Variants in SYT2 observed in about 807,000 individuals in gnomAD.
SYT2 encodes synaptotagmin-2.
A neutral mutation model predicts 39.9 loss-of-function variants in SYT2; 15 were observed. That is an observed-to-expected ratio of 0.38 (90% CI 0.25 to 0.58). SYT2 has a LOEUF of 0.58. Ranked by LOEUF, SYT2 falls within the 20% of genes least tolerant of loss-of-function variation. The probability of loss-of-function intolerance (pLI) is 0.70; values close to 1 mark genes in which losing one functional copy is unlikely to be tolerated. For synonymous variants in SYT2, 181 were observed against 204.5 expected (o/e 0.89, Z 0.98); for missense variants, 389 against 530.3 (o/e 0.73, Z 2.62).
In SYT2 at chr1:202,628,332, T is replaced by A. The variant is rs1214559413; in HGVS notation, c.-17-22543A>T. ...CCACACCAGGACCTGGGAGAGGTCA[T>A]GAGATGTCTGGGGAGCCCAGCCTGC... On this transcript the variant is annotated intron_variant, in intron 1 of 8. Transcript: ENST00000367268. The surrounding 1 kb of genome is among the most constrained non-coding windows in gnomAD (Gnocchi z 4.2). Among the ~76,000 whole-genome samples, 1 of 151,802 alleles carries A rather than the reference T, an allele frequency of 6.6e-6. No homozygotes were observed. The highest frequency in any genetic ancestry group is 1.9e-4 in the East Asian group (1 of 5,174).
intron 1 of SYT2, among the ~76,000 whole-genome samples, chr1:202,641,001 T>G (rs1363143507): frequency 2.0e-5 from 3 of 152,222 alleles, no homozygotes; most frequent in Non-Finnish European, 4.4e-5. Context: ...ATTGAGGACT[T>G]AGACAGCTCA....
chr1:202,602,068 C>G lies in SYT2; in HGVS notation c.634-11G>C. 2 of 1,613,676 alleles carry G rather than the reference C, an allele frequency of 1.2e-6. No individual in the cohort carries two copies. Among genetic ancestry groups the G allele is most frequent in the Non-Finnish European group, 1.7e-6 (2 of 1,179,748 alleles). On this transcript the variant is annotated splice_polypyrimidine_tract_variant and intron_variant, in intron 5 of 8. Coordinates refer to ENST00000367268, the MANE Select transcript of SYT2 (RefSeq NM_177402.5). ...CTCCTGGTATGGCACCTGCAGGGCA[C>G]AAGCAGAATCAGAGGGGGCCAGAGC...
chr1:202,604,609 G>A lies in SYT2; in HGVS notation c.191C>T (p.Ala64Val), dbSNP rs1292643005. ...EINKIPLPPW[A>V]LIAIAVVAGL... Reference sequence around the variant, plus strand: ...AGCAACCACAGCAATGGCGATCAGTGCCCAGGGTGGTACTGCCCACACAGA... The same window carrying A: ...AGCAACCACAGCAATGGCGATCAGTACCCAGGGTGGTACTGCCCACACAGA... Residue 64 changes from alanine to valine, a missense_variant, in exon 3 of 9, where the codon GCA becomes GTA. Physicochemically the swap from Ala to Val is moderately conservative, Grantham distance 64 (BLOSUM62 0). Transcript: ENST00000367268. The A allele has an allele frequency of 6.2e-7, 1 of 1,614,062 alleles. No individual in the cohort carries two copies. Among genetic ancestry groups the A allele is most frequent in the African/African-American group, 1.3e-5 (1 of 75,032 alleles).
At chr1:202,689,295 G>A (rs576171552) in intron 1 of SYT2, among the ~76,000 whole-genome samples, 9 of 152,234 alleles carry the variant, frequency 5.9e-5, no homozygotes, top group Admixed American at 2.6e-4. Context: ...ACACAAACAC[G>A]TGTGCACACG....
chr1:202,593,581 A>G lies in SYT2; in HGVS notation c.*3176T>C, dbSNP rs576622033. On this transcript the variant is annotated 3_prime_UTR_variant, in exon 9 of 9. Coordinates refer to ENST00000367268, the MANE Select transcript of SYT2 (RefSeq NM_177402.5). ...ACTCCAGGAAAGTCACTTCTCATTC[A>G]TGCCAAGCACCTGCCTACTGTCTGA... 1 of 152,248 alleles carries G rather than the reference A, an allele frequency of 6.6e-6. No individual in the cohort carries two copies. Among genetic ancestry groups the G allele is most frequent in the Admixed American group, 6.5e-5 (1 of 15,292 alleles). The allele number at this position is 152,248 out of a possible 1,614,324, so 9.4% of individuals were successfully genotyped here.
chr1:202,708,874 T>C (rs370151010), intron 1 of SYT2, among the ~76,000 whole-genome samples: 5 of 152,300 alleles, frequency 3.3e-5, no homozygotes, highest in African/African-American at 1.2e-4. Context: ...AAAGCTGGAC[T>C]TAGTCTTAAG....
Position 202,652,678 on chromosome 1 carries a change from G to T in SYT2, c.-17-46889C>A, listed in dbSNP as rs185189548. ...TCCCAGAGACTCCCTCAGCTATCCT[G>T]GGAGGGGGCCGGGCATCAGTCATTC... On this transcript the variant is annotated intron_variant, in intron 1 of 8. Transcript: ENST00000367268. 1.2e-3 allele frequency among the ~76,000 whole-genome samples: 189 copies of T among 152,308 alleles called. 2 individuals are homozygous for T. Among genetic ancestry groups the T allele is most frequent in the Admixed American group, 0.012 (178 of 15,302 alleles).
chr1:202,632,038 GA>G (rs1311414258), intron 1 of SYT2: 4 of 985,418 alleles, frequency 4.1e-6, no homozygotes, highest in Non-Finnish European at 4.8e-6. Context: ...CTTCCTTTAT[GA>G]CACTGCCACT....
chr1:202,663,921 G>C (rs1253301748), intron 1 of SYT2, among the ~76,000 whole-genome samples: 2 of 152,160 alleles, frequency 1.3e-5, no homozygotes, highest in Admixed American at 1.3e-4. Flanking sequence ...GATCCAAGAA[G>C]TTCCTCCCCC....
intron 1 of SYT2, among the ~76,000 whole-genome samples, chr1:202,680,148 A>C (rs1288953324): frequency 6.6e-6 from 1 of 152,208 alleles, no homozygotes; most frequent in Non-Finnish European, 1.5e-5. Context: ...AGAGCCCAGC[A>C]CAGGCCTGCA....
intron 1 of SYT2, among the ~76,000 whole-genome samples, chr1:202,636,238 A>G (rs1033070153): frequency 6.6e-6 from 1 of 152,166 alleles, no homozygotes; most frequent in African/African-American, 2.4e-5. Context: ...TAAGGAACAG[A>G]AAATGAGGAG....
chr1:202,607,824 GCCTTCC>G (rs1690757505), intron 1 of SYT2, among the ~76,000 whole-genome samples: 1 of 152,122 alleles, frequency 6.6e-6, no homozygotes, highest in African/African-American at 2.4e-5. Flanking sequence ...TGTGTCCAGG[GCCTTCC>G]GCCATGTCCA....
intron 1 of SYT2, among the ~76,000 whole-genome samples, chr1:202,661,743 A>G (rs1303068072): frequency 6.6e-6 from 1 of 152,198 alleles, no homozygotes; most frequent in African/African-American, 2.4e-5. Flanking sequence ...AGTGTTTCTA[A>G]AGCGCAAAGG....
At chr1:202,616,510 A>G (rs1218985412) in intron 1 of SYT2, among the ~76,000 whole-genome samples, 3 of 152,052 alleles carry the variant, frequency 2.0e-5, no homozygotes, top group Non-Finnish European at 4.4e-5. Context: ...GCACACACAT[A>G]TACACACGTG....
At chr1:202,651,601 G>A (rs1692195041) in intron 1 of SYT2, among the ~76,000 whole-genome samples, 1 of 152,132 alleles carries the variant, frequency 6.6e-6, no homozygotes, top group Admixed American at 6.5e-5. Context: ...TCAAATGCTG[G>A]TTCATTCTTT....
At chr1:202,671,596 G>C (rs956724232) in intron 1 of SYT2, among the ~76,000 whole-genome samples, 3 of 152,246 alleles carry the variant, frequency 2.0e-5, no homozygotes, top group African/African-American at 4.8e-5. Flanking sequence ...GAGAAATTCA[G>C]CTTGGCTGGG....
chr1:202,629,871 G>GC lies in SYT2; in HGVS notation c.-17-24083_-17-24082insG, dbSNP rs1020885655. ...CCATACCCAGCAGGCAGCTGGTGGG[G>GC]GGGGGGGGGTGGTACGGCAGGTGTG... On this transcript the variant is annotated intron_variant, in intron 1 of 8. Coordinates refer to ENST00000367268, the MANE Select transcript of SYT2 (RefSeq NM_177402.5). 2.2e-4 allele frequency among the ~76,000 whole-genome samples: 27 copies of GC among 125,018 alleles called. 2 individuals carry two copies. Among genetic ancestry groups the GC allele is most frequent in the African/African-American group, 6.4e-4 (22 of 34,340 alleles). The allele number at this position is 125,018 out of a possible 152,430, so 82.0% of individuals were successfully genotyped here. A position where few individuals can be genotyped will look rare whatever the true frequency, so the allele number is the denominator to read the frequency against.
chr1:202,647,607 G>A (rs986214271), intron 1 of SYT2, among the ~76,000 whole-genome samples: 1 of 152,240 alleles, frequency 6.6e-6, no homozygotes, highest in Non-Finnish European at 1.5e-5. Context: ...GGGAGAAAGA[G>A]GGGAAGGGAG....
intron 1 of SYT2, among the ~76,000 whole-genome samples, chr1:202,671,500 T>A (rs1286218067): frequency 6.6e-6 from 1 of 152,234 alleles, no homozygotes; most frequent in Non-Finnish European, 1.5e-5. Flanking sequence ...GAGGAAATGC[T>A]GGGCCCAAAT....
Sources: gnomAD v4.1 joint callset for allele counts (sites outside exome capture counted in the v4.1 genomes callset) on GRCh38, gnomAD v4.1.1 for gene constraint, Gnocchi (gnomAD v3.1) non-coding constraint, MANE v1.5 for transcripts, NCBI Gene and HGNC (gene_info 2026-07-23, HGNC 2026-07-21) for gene names.